Variants in UNC13C observed in about 807,000 individuals in gnomAD.
The protein encoded by UNC13C is unc-13 homolog C, also known as protein unc-13 homolog C.
A neutral mutation model predicts 245.4 loss-of-function variants in UNC13C; 174 were observed. The ratio of observed to expected loss-of-function variants is 0.71; its 90% CI spans 0.63 to 0.80. The LOEUF is 0.80. Ranked by LOEUF, UNC13C falls within the 30% of genes least tolerant of loss-of-function variation. The pLI is 0.00. For synonymous variants in UNC13C, 992 were observed against 895.1 expected (o/e 1.11, Z -1.93); for missense variants, 2,829 against 2,602.9 (o/e 1.09, Z -1.89).
rs193108070 is a variant in UNC13C, at chr15:54,407,997, C to G, written c.4848-6985C>G. Among the ~76,000 whole-genome samples the G allele has an allele frequency of 4.1e-3, 620 of 151,676 alleles. 1 individual carries two copies. Among genetic ancestry groups the G allele is most frequent in the Middle Eastern group, 6.8e-3 (2 of 294 alleles). On this transcript the variant is annotated intron_variant, in intron 18 of 32. Coordinates refer to ENST00000260323, the MANE Select transcript of UNC13C (RefSeq NM_001080534.3). ...TGGGCAGATCATGAGGTCAGGAGAT[C>G]GAGACCATCCTGGTGAACACGGTGA...
intron 1 of UNC13C, among the ~76,000 whole-genome samples, chr15:53,996,037 C>A (rs1326697171): frequency 6.6e-6 from 1 of 152,036 alleles, no homozygotes; most frequent in Non-Finnish European, 1.5e-5. Context: ...ATGCTTATTG[C>A]TTAGGCTGGG....
At chr15:53,953,480 A>G in the UNC13C span, among the ~76,000 whole-genome samples, 11 of 152,206 alleles carry the variant, frequency 7.2e-5, no homozygotes, top group Admixed American at 7.2e-4. Context: ...GAACAGTAAT[A>G]TTAAGGCATC....
chr15:54,038,746 A>C (rs911783156), intron 2 of UNC13C, among the ~76,000 whole-genome samples: 1 of 152,230 alleles, frequency 6.6e-6, no homozygotes, highest in African/African-American at 2.4e-5. Flanking sequence ...TAAGATCACA[A>C]TTTCAAAATC....
intron 17 of UNC13C, among the ~76,000 whole-genome samples, chr15:54,362,494 TA>T (rs2039257046): frequency 6.6e-6 from 1 of 152,250 alleles, no homozygotes; most frequent in African/African-American, 2.4e-5. Flanking sequence ...GAATACTTTC[TA>T]ATTATATTTT....
intron 18 of UNC13C, among the ~76,000 whole-genome samples, chr15:54,395,657 A>G (rs757303344): frequency 6.6e-5 from 10 of 151,976 alleles, no homozygotes; most frequent in East Asian, 5.8e-4. Context: ...ATCTCTTTCA[A>G]TGTAATCCCT....
chr15:54,009,016 C>A (rs1895263012), intron 1 of UNC13C, among the ~76,000 whole-genome samples: 1 of 152,110 alleles, frequency 6.6e-6, no homozygotes, highest in Non-Finnish European at 1.5e-5. Flanking sequence ...TCTTCCTTTC[C>A]TATCTCAGTC....
At chr15:54,484,823 G>A (rs571802292) in intron 19 of UNC13C, among the ~76,000 whole-genome samples, 6 of 152,098 alleles carry the variant, frequency 3.9e-5, no homozygotes, top group African/African-American at 1.4e-4. Flanking sequence ...TCAATTACAG[G>A]TTACATTTAA....
At chr15:54,324,873 A>G (rs1261209288) in intron 14 of UNC13C, among the ~76,000 whole-genome samples, 1 of 152,092 alleles carries the variant, frequency 6.6e-6, no homozygotes, top group Non-Finnish European at 1.5e-5. Context: ...TGTCCAACCC[A>G]CAGCCCGTGG....
intron 4 of UNC13C, among the ~76,000 whole-genome samples, chr15:54,158,833 T>G (rs1229744818): frequency 6.6e-6 from 1 of 151,848 alleles, no homozygotes; most frequent in Non-Finnish European, 1.5e-5. Flanking sequence ...AAAAAAATTA[T>G]GTAAAGATGA....
chr15:54,071,825 C>G (rs1273844174), intron 2 of UNC13C, among the ~76,000 whole-genome samples: 1 of 152,154 alleles, frequency 6.6e-6, no homozygotes, highest in African/African-American at 2.4e-5. Context: ...CTACATGTTC[C>G]TCAAAGCCTA....
intron 2 of UNC13C, among the ~76,000 whole-genome samples, chr15:54,085,845 A>G (rs1168539685): frequency 6.6e-6 from 1 of 152,102 alleles, no homozygotes; most frequent in African/African-American, 2.4e-5. Flanking sequence ...TGTGCAATGC[A>G]CTTTTCTGTC....
rs541893151 is a variant in UNC13C at position 54,092,842 on chromosome 15, C to A, written c.2984-50176C>A. ...TGGATTTTGATATTACCTCATTGGC[C>A]ACCTCAACCAAAAATGGTTTTTAAA... On this transcript the variant is annotated intron_variant, in intron 2 of 32. Coordinates refer to ENST00000260323, the MANE Select transcript of UNC13C (RefSeq NM_001080534.3). 9.2e-4 allele frequency among the ~76,000 whole-genome samples: 140 copies of A among 152,086 alleles called. 2 individuals carry two copies. The highest frequency in any genetic ancestry group is 1.6e-4 in the Non-Finnish European group (11 of 67,984).
intron 8 of UNC13C, among the ~76,000 whole-genome samples, chr15:54,258,445 C>G (rs1466887725): frequency 6.6e-6 from 1 of 152,124 alleles, no homozygotes; most frequent in Non-Finnish European, 1.5e-5. Flanking sequence ...CTCAGTGCAA[C>G]CTTCACCTGC....
intron 17 of UNC13C, among the ~76,000 whole-genome samples, chr15:54,341,160 A>T (rs2038718864): frequency 6.6e-6 from 1 of 152,200 alleles, no homozygotes; most frequent in South Asian, 2.1e-4. Flanking sequence ...GCACTCATAT[A>T]TTCATCACAG....
chr15:54,210,276 A>G (rs866945088), intron 4 of UNC13C, among the ~76,000 whole-genome samples: 3 of 149,838 alleles, frequency 2.0e-5, no homozygotes, highest in Non-Finnish European at 4.4e-5. Context: ...AACCAGTGTT[A>G]ATTTTTCTTG....
At chr15:54,062,193 C>T (rs929488329) in intron 2 of UNC13C, among the ~76,000 whole-genome samples, 2 of 151,976 alleles carry the variant, frequency 1.3e-5, no homozygotes, top group African/African-American at 4.8e-5. Context: ...GTGGCAGGCA[C>T]CTGTAATCCC....
chr15:54,311,286 C>T (rs1040819000), intron 13 of UNC13C, among the ~76,000 whole-genome samples: 1 of 151,800 alleles, frequency 6.6e-6, no homozygotes, highest in African/African-American at 2.4e-5. Context: ...TAACAGGTGG[C>T]AACTACTCCT....
intron 1 of UNC13C, among the ~76,000 whole-genome samples, chr15:53,979,787 T>G (rs996347341): frequency 1.3e-5 from 2 of 152,174 alleles, no homozygotes; most frequent in Non-Finnish European, 2.9e-5. Context: ...TGCATTTCTT[T>G]AAGAAGCTAA....
rs181431421 is a variant in UNC13C at position 54,466,751 on chromosome 15, G to C, written c.4934-27857G>C. The stretch of plus-strand genomic sequence containing the variant: ...GGAGGTGGGGTGGGATTGGAAGATT[G>C]ATTTTCCCATTTATTCCAACAATCA... On this transcript the variant is annotated intron_variant, in intron 19 of 32. Transcript: ENST00000260323. Among the ~76,000 whole-genome samples, 49 of 151,918 alleles carry C rather than the reference G, an allele frequency of 3.2e-4. No individual in the cohort carries two copies. The East Asian group carries it at 6.7e-3, about 21-fold the overall frequency.
Sources: allele counts gnomAD v4.1 joint callset (sites outside exome capture counted in the v4.1 genomes callset), GRCh38; gene constraint gnomAD v4.1.1; transcripts MANE v1.5; gene names NCBI Gene and HGNC (gene_info 2026-07-23, HGNC 2026-07-21).